Variants in GPC5 observed in about 807,000 individuals in gnomAD.
GPC5 encodes the protein glypican-5.
In GPC5, 47 loss-of-function variants were observed where a neutral mutation model predicts 53.9. The ratio of observed to expected loss-of-function variants is 0.87; its 90% confidence interval spans 0.69 to 1.11. The LOEUF is 1.11. Ranked by LOEUF, GPC5 falls within the 50% of genes most tolerant of loss-of-function variation. The pLI is 0.00. For synonymous variants in GPC5, 286 were observed against 263.3 expected, an observed-to-expected ratio of 1.09 and a Z score of -0.84; for missense variants, 748 against 713.1, an observed-to-expected ratio of 1.05 and a Z score of -0.56.
chr13:92,792,852 G>GAAAA (rs1876513931), intron 7 of GPC5, among the ~76,000 whole-genome samples: 1 of 152,170 alleles, frequency 6.6e-6, no homozygotes, highest in East Asian at 1.9e-4. Flanking sequence ...AAAGATATAT[G>GAAAA]CAACCAATAC....
Position 92,013,679 on chromosome 13 carries a change from C to T in GPC5, c.1401+105622C>T, listed in dbSNP as rs554759759. ...CTGTCTGCCTTAAATTTCTCTGCCT[C>T]CTGCCTCTATCATTACTTGTGTTAA... On this transcript the variant is annotated intron_variant, in intron 6 of 7. Coordinates refer to ENST00000377067, the MANE Select transcript of GPC5 (RefSeq NM_004466.6). 1.4e-4 allele frequency among the ~76,000 whole-genome samples: 22 copies of T among 152,286 alleles called. No individual in the cohort carries two copies. The South Asian group carries it at 4.2e-3, about 29-fold the overall frequency.
chr13:91,991,462 T>A (rs930187730), intron 6 of GPC5, among the ~76,000 whole-genome samples: 2 of 152,246 alleles, frequency 1.3e-5, no homozygotes, highest in African/African-American at 4.8e-5. Context: ...ACTAGTACTA[T>A]CTTTCATATG....
intron 5 of GPC5, among the ~76,000 whole-genome samples, chr13:91,888,184 G>A (rs1594642542): frequency 6.6e-6 from 1 of 152,146 alleles, no homozygotes; most frequent in African/African-American, 2.4e-5. Flanking sequence ...ATGGTGGCAG[G>A]CAAGAGTGTG....
At chr13:91,738,290 A>C (rs2036856182) in intron 4 of GPC5, among the ~76,000 whole-genome samples, 1 of 151,426 alleles carries the variant, frequency 6.6e-6, no homozygotes, top group Admixed American at 6.6e-5. Context: ...AAGTAATCAA[A>C]ATGACAAAAA....
chr13:92,057,820 C>T (rs1420112388), intron 6 of GPC5, among the ~76,000 whole-genome samples: 2 of 151,876 alleles, frequency 1.3e-5, no homozygotes, highest in African/African-American at 2.4e-5. Flanking sequence ...TAACAACCTT[C>T]GTATTTTTAA....
At chr13:92,721,173 A>G (rs1483254133) in intron 7 of GPC5, among the ~76,000 whole-genome samples, 1 of 151,962 alleles carries the variant, frequency 6.6e-6, no homozygotes, top group Non-Finnish European at 1.5e-5. Flanking sequence ...TGCACAGGGA[A>G]GATGACCACA....
chr13:92,149,353 G>A (rs1222008107), intron 7 of GPC5, among the ~76,000 whole-genome samples: 1 of 152,028 alleles, frequency 6.6e-6, no homozygotes, highest in East Asian at 1.9e-4. Flanking sequence ...TAATACCTTA[G>A]GAGGTAGGAG....
chr13:92,370,807 TC>T (rs967426448), intron 7 of GPC5, among the ~76,000 whole-genome samples: 1 of 152,188 alleles, frequency 6.6e-6, no homozygotes, highest in Non-Finnish European at 1.5e-5. Context: ...CATATTGTTT[TC>T]TTAAACATGA....
At chr13:91,572,902 C>T (rs2139031547) in intron 2 of GPC5, among the ~76,000 whole-genome samples, 1 of 152,280 alleles carries the variant, frequency 6.6e-6, no homozygotes, top group South Asian at 2.1e-4. Context: ...CTGGGACTTA[C>T]ATTCACTCCC....
Position 92,130,881 on chromosome 13 carries a change from T to C in GPC5, c.1402-13949T>C, listed in dbSNP as rs368183297. Among the ~76,000 whole-genome samples, 25 of 151,814 alleles carry C rather than the reference T, an allele frequency of 1.6e-4. No homozygotes were observed. The East Asian group carries it at 1.9e-3, about 12-fold the overall frequency. On this transcript the variant is annotated intron_variant, in intron 6 of 7. Transcript: ENST00000377067. ...AAGTACTGAAAAGGAATTACAAGTA[T>C]TTTAATAAGATGAAAAATAAATAAT...
At chr13:92,164,272 G>T (rs753383421) in intron 7 of GPC5, among the ~76,000 whole-genome samples, 2 of 152,022 alleles carry the variant, frequency 1.3e-5, no homozygotes, top group Admixed American at 6.6e-5. Flanking sequence ...CAAGTCCAAG[G>T]TTTCATATAA....
intron 7 of GPC5, among the ~76,000 whole-genome samples, chr13:92,741,987 T>A (rs1413790533): frequency 2.0e-5 from 3 of 152,104 alleles, no homozygotes; most frequent in Non-Finnish European, 4.4e-5. Context: ...TCTATCATTG[T>A]TGGACATTTG....
intron 3 of GPC5, among the ~76,000 whole-genome samples, chr13:91,696,015 C>G (rs1437584650): frequency 6.6e-6 from 1 of 152,084 alleles, no homozygotes; most frequent in Non-Finnish European, 1.5e-5. Flanking sequence ...CTTCTAAAAC[C>G]CTTAAGCCTG....
chr13:91,951,103 C>A (rs748114332), intron 6 of GPC5, among the ~76,000 whole-genome samples: 9 of 152,116 alleles, frequency 5.9e-5, no homozygotes, highest in Non-Finnish European at 1.2e-4. Context: ...ATTGAATTAT[C>A]TGTTTTGCCC....
intron 6 of GPC5, among the ~76,000 whole-genome samples, chr13:91,929,962 T>A (rs1170892976): frequency 5.3e-5 from 8 of 152,106 alleles, no homozygotes; most frequent in African/African-American, 1.9e-4. Flanking sequence ...CAATAAATGC[T>A]GTTATGTAAG....
At chr13:92,151,392 G>T (rs995884175) in intron 7 of GPC5, among the ~76,000 whole-genome samples, 1 of 151,956 alleles carries the variant, frequency 6.6e-6, no homozygotes, top group Non-Finnish European at 1.5e-5. Flanking sequence ...GAGCAAAAAT[G>T]TACACTTTTT....
intron 6 of GPC5, among the ~76,000 whole-genome samples, chr13:91,960,826 A>T (rs1050746902): frequency 8.5e-5 from 13 of 152,128 alleles, no homozygotes; most frequent in African/African-American, 2.6e-4. Context: ...ACCCTCTTCA[A>T]AAAGTGGTGC....
At chr13:92,865,234 C>A (rs967324654) in intron 7 of GPC5, among the ~76,000 whole-genome samples, 1 of 152,006 alleles carries the variant, frequency 6.6e-6, no homozygotes, top group Non-Finnish European at 1.5e-5. Flanking sequence ...TGACTTTGCC[C>A]GCTTTTTTTT....
chr13:92,752,579 G>C (rs893842207), intron 7 of GPC5, among the ~76,000 whole-genome samples: 1 of 152,114 alleles, frequency 6.6e-6, no homozygotes, highest in Non-Finnish European at 1.5e-5. Flanking sequence ...CTGAGGTACC[G>C]GGTTCATCTC....
Sources: gnomAD v4.1 joint callset for allele counts (sites outside exome capture counted in the v4.1 genomes callset) on GRCh38, gnomAD v4.1.1 for gene constraint, MANE v1.5 for transcripts, NCBI Gene and HGNC (gene_info 2026-07-23, HGNC 2026-07-21) for gene names.